ERC2: variants seen among roughly 807,000 people sequenced by gnomAD.
The protein encoded by ERC2 is ELKS/RAB6-interacting/CAST family member 2, also known as ERC protein 2.
A neutral mutation model predicts 114.8 loss-of-function variants in ERC2; 42 were observed. The ratio of observed to expected loss-of-function variants is 0.37; its 90% CI spans 0.29 to 0.47. The LOEUF is 0.47. Among genes scored for constraint, ERC2 ranks in the 20% least tolerant of loss-of-function variants. The probability of loss-of-function intolerance (pLI) is 0.99; values close to 1 mark genes in which losing one functional copy is unlikely to be tolerated. For missense variants in ERC2, 939 were observed against 1,150.7 expected (o/e 0.82, Z 2.66); for synonymous variants, 454 against 425.5 (o/e 1.07, Z -0.82).
chr3:55,852,205 G>C (rs2061603750), intron 14 of ERC2, among the ~76,000 whole-genome samples: 1 of 152,160 alleles, frequency 6.6e-6, no homozygotes, highest in South Asian at 2.1e-4. Context: ...GGGTGACAGG[G>C]TGAGTCTCTG....
intron 17 of ERC2, among the ~76,000 whole-genome samples, chr3:55,640,031 G>A (rs566389384): frequency 5.9e-5 from 9 of 152,218 alleles, no homozygotes; most frequent in Admixed American, 3.9e-4. Context: ...GCAGCTTAAC[G>A]AGCGCTGCCT....
intron 17 of ERC2, among the ~76,000 whole-genome samples, chr3:55,662,521 A>C (rs2061182131): frequency 6.6e-6 from 1 of 152,242 alleles, no homozygotes; most frequent in East Asian, 1.9e-4. Context: ...TTATGTGTGC[A>C]TTATTTGTAA....
At chr3:55,696,981 C>A (rs1006329715) in intron 16 of ERC2, among the ~76,000 whole-genome samples, 2 of 152,178 alleles carry the variant, frequency 1.3e-5, no homozygotes, top group African/African-American at 4.8e-5. Context: ...TTCACAGTGA[C>A]CCCCACTGCA....
chr3:55,999,476 T>A (rs1013929258), intron 10 of ERC2, among the ~76,000 whole-genome samples: 2 of 152,020 alleles, frequency 1.3e-5, no homozygotes, highest in African/African-American at 4.8e-5. Context: ...TCAGACAGAA[T>A]TGACTATAAA....
intron 13 of ERC2, among the ~76,000 whole-genome samples, chr3:55,945,322 C>A (rs752736300): frequency 3.9e-5 from 6 of 152,138 alleles, no homozygotes; most frequent in Non-Finnish European, 8.8e-5. Flanking sequence ...CTTCTAATGG[C>A]AGTACTTAGG....
At chr3:55,928,112 G>A (rs557040661) in intron 13 of ERC2, among the ~76,000 whole-genome samples, 7 of 151,942 alleles carry the variant, frequency 4.6e-5, no homozygotes, top group Non-Finnish European at 1.0e-4. Flanking sequence ...CCTTTCTTTT[G>A]GGTATATACC....
At chr3:56,148,923 C>A in intron 5 of ERC2, 54 bp downstream of exon 5, 1 of 1,530,654 alleles carries the variant, frequency 6.5e-7, no homozygotes, top group Non-Finnish European at 8.9e-7. Context: ...TGTATGTAAA[C>A]TGTAACTTTC....
At chr3:55,767,795 T>C (rs2067912935) in intron 14 of ERC2, among the ~76,000 whole-genome samples, 1 of 152,206 alleles carries the variant, frequency 6.6e-6, no homozygotes, top group Non-Finnish European at 1.5e-5. Context: ...ATGTTCAAGT[T>C]AAGCTATGAA....
chr3:56,093,390 T>C (rs1273179044), intron 6 of ERC2, among the ~76,000 whole-genome samples: 1 of 152,158 alleles, frequency 6.6e-6, no homozygotes, highest in Non-Finnish European at 1.5e-5. Flanking sequence ...AGCACAGAAC[T>C]TCTTGTTTCT....
rs1488679481 is a variant in ERC2 at position 55,510,380 on chromosome 3, C to G, written c.*936G>C. On this transcript the variant is annotated 3_prime_UTR_variant, in exon 18 of 18. Coordinates refer to ENST00000288221, the MANE Select transcript of ERC2 (RefSeq NM_015576.3). ...TGAGTCCCAGCTTCTTCATGGAGACCTGCATGCACCGGGATGGTAAGAGTC... is the reference window on the plus strand; with the variant it reads ...TGAGTCCCAGCTTCTTCATGGAGACGTGCATGCACCGGGATGGTAAGAGTC... The G allele has an allele frequency of 6.6e-6, 1 of 152,320 alleles. No homozygotes were observed. Among genetic ancestry groups the G allele is most frequent in the Non-Finnish European group, 1.5e-5 (1 of 68,030 alleles). 9.4% of individuals were successfully genotyped at this position (152,320 alleles called of 1,614,324 possible). A position where few individuals can be genotyped will look rare whatever the true frequency, so the allele number is the denominator to read the frequency against.
At chr3:56,363,642 A>G (rs140302604) in intron 2 of ERC2, among the ~76,000 whole-genome samples, 185 of 152,316 alleles carry the variant, frequency 1.2e-3, no homozygotes, top group African/African-American at 4.0e-3. Flanking sequence ...GCTTCACTTT[A>G]AATAGAAAAG....
At chr3:55,702,569 G>T (rs987724848) in intron 15 of ERC2, among the ~76,000 whole-genome samples, 4 of 151,774 alleles carry the variant, frequency 2.6e-5, no homozygotes, top group Non-Finnish European at 2.9e-5. Context: ...GCACTATCTA[G>T]CTTCATCCCC....
At chr3:56,350,276 A>G (rs981831790) in intron 2 of ERC2, among the ~76,000 whole-genome samples, 1 of 152,246 alleles carries the variant, frequency 6.6e-6, no homozygotes, top group Non-Finnish European at 1.5e-5. Flanking sequence ...ATTGTCAACT[A>G]CAATAGAAGC....
intron 7 of ERC2, among the ~76,000 whole-genome samples, chr3:56,051,555 T>C (rs1306373210): frequency 1.3e-5 from 2 of 152,214 alleles, no homozygotes; most frequent in East Asian, 3.9e-4. Flanking sequence ...TATCTTTGTT[T>C]TCAACATCAA....
At chr3:56,148,063 T>G (rs2081234940) in intron 5 of ERC2, among the ~76,000 whole-genome samples, 1 of 152,132 alleles carries the variant, frequency 6.6e-6, no homozygotes, top group African/African-American at 2.4e-5. Context: ...TCAACAACAA[T>G]GCCTGCCATT....
intron 14 of ERC2, among the ~76,000 whole-genome samples, chr3:55,786,109 T>C (rs985565074): frequency 6.6e-6 from 1 of 152,226 alleles, no homozygotes; most frequent in East Asian, 1.9e-4. Context: ...ATGTCACACA[T>C]AGCTTGCAAT....
chr3:56,168,021 A>G (rs907635061), intron 4 of ERC2, among the ~76,000 whole-genome samples: 5 of 152,150 alleles, frequency 3.3e-5, no homozygotes, highest in Non-Finnish European at 7.4e-5. Flanking sequence ...TCCAAAGTAA[A>G]TGTTGAAAGA....
intron 3 of ERC2, among the ~76,000 whole-genome samples, chr3:56,258,331 T>C (rs1007531374): frequency 1.3e-5 from 2 of 152,092 alleles, no homozygotes; most frequent in African/African-American, 4.8e-5. Context: ...CCAGAGACAA[T>C]GTGTGAACAA....
intron 3 of ERC2, among the ~76,000 whole-genome samples, chr3:56,185,821 A>G (rs1045460119): frequency 2.6e-5 from 4 of 152,194 alleles, no homozygotes; most frequent in Admixed American, 2.6e-4. Flanking sequence ...AGTGCAATCT[A>G]ATCACATGTG....
Sources: allele counts gnomAD v4.1 joint callset (sites outside exome capture counted in the v4.1 genomes callset), GRCh38; gene constraint gnomAD v4.1.1; transcripts MANE v1.5; gene names NCBI Gene and HGNC (gene_info 2026-07-23, HGNC 2026-07-21).